The following XKR4 variants were observed in gnomAD, a reference collection of about 807,000 sequenced individuals.
The protein encoded by XKR4 is XK related 4.
In XKR4, 12 loss-of-function variants were observed where a neutral mutation model predicts 53.9. That is an observed-to-expected ratio of 0.22 (90% confidence interval 0.14 to 0.36). The LOEUF (loss-of-function observed/expected upper bound fraction) is 0.36. Among genes scored for constraint, XKR4 ranks in the 10% least tolerant of loss-of-function variants. The probability of loss-of-function intolerance (pLI) is 1.00; values close to 1 mark genes in which losing one functional copy is unlikely to be tolerated. For synonymous variants in XKR4, 354 were observed against 362.4 expected (o/e 0.98, Z 0.26); for missense variants, 799 against 859.5 (o/e 0.93, Z 0.88).
At chr8:55,306,630 A>G (rs937428127) in intron 1 of XKR4, among the ~76,000 whole-genome samples, 1 of 152,200 alleles carries the variant, frequency 6.6e-6, no homozygotes, top group African/African-American at 2.4e-5. Flanking sequence ...TTTACTCACT[A>G]TCATGAGAAC....
intron 2 of XKR4, among the ~76,000 whole-genome samples, chr8:55,436,365 G>A (rs896009122): frequency 4.6e-5 from 7 of 152,162 alleles, no homozygotes; most frequent in African/African-American, 1.7e-4. Context: ...GTCTGCAGAT[G>A]TGCTTTTAAG....
chr8:55,470,907 A>T (rs1805870064), intron 2 of XKR4, among the ~76,000 whole-genome samples: 1 of 152,138 alleles, frequency 6.6e-6, no homozygotes, highest in Non-Finnish European at 1.5e-5. Flanking sequence ...GGTCCACCTG[A>T]TTTCAAAGCT....
chr8:55,412,872 G>T (rs1804795585), intron 2 of XKR4, among the ~76,000 whole-genome samples: 1 of 152,182 alleles, frequency 6.6e-6, no homozygotes, highest in Non-Finnish European at 1.5e-5. Flanking sequence ...AGAATCATTT[G>T]TCCTTTAAGC....
rs141041656 is a variant in XKR4, at chr8:55,384,785, G to A, written c.1006+26908G>A. Among the ~76,000 whole-genome samples, 76 of 152,312 alleles carry A rather than the reference G, an allele frequency of 5.0e-4. 1 individual carries two copies. Among genetic ancestry groups the A allele is most frequent in the Admixed American group, 1.4e-3 (22 of 15,304 alleles). ...GAGCAAATCCAATGTGCCTCTAAAAGCATCCATCAGTCTCCAATGTGTGTT... is the reference window on the plus strand; with the variant it reads ...GAGCAAATCCAATGTGCCTCTAAAAACATCCATCAGTCTCCAATGTGTGTT... On this transcript the variant is annotated intron_variant, in intron 2 of 2. Coordinates refer to ENST00000327381, the MANE Select transcript of XKR4 (RefSeq NM_052898.2).
chr8:55,152,537 TATTA>T (rs1816852882), intron 1 of XKR4, among the ~76,000 whole-genome samples: 4 of 152,208 alleles, frequency 2.6e-5, no homozygotes, highest in African/African-American at 7.2e-5. Flanking sequence ...CATTCTAAAT[TATTA>T]ATTCTTATAA....
Position 55,346,387 on chromosome 8 carries a change from C to T in XKR4, c.807-11291C>T, listed in dbSNP as rs529365229. 1.0e-3 allele frequency among the ~76,000 whole-genome samples: 152 copies of T among 152,222 alleles called. 2 individuals carry two copies. Among genetic ancestry groups the T allele is most frequent in the African/African-American group, 3.3e-3 (138 of 41,560 alleles). On this transcript the variant is annotated intron_variant, in intron 1 of 2. Transcript: ENST00000327381. The stretch of plus-strand genomic sequence containing the variant: ...AGGCGTGAGCCACCACACTCAGCCC[C>T]GCTTCATTCTTTCTCCCTCAATTCA...
chr8:55,386,145 A>C (rs1804310551), intron 2 of XKR4, among the ~76,000 whole-genome samples: 1 of 152,194 alleles, frequency 6.6e-6, no homozygotes, highest in South Asian at 2.1e-4. Flanking sequence ...AATAATCACC[A>C]CCATGATCTG....
intron 1 of XKR4, among the ~76,000 whole-genome samples, chr8:55,106,673 ACT>A (rs1175067940): frequency 1.3e-5 from 2 of 152,006 alleles, no homozygotes; most frequent in East Asian, 1.9e-4. Context: ...TACTCTTAAA[ACT>A]CTACCTGAAT....
In XKR4 at chr8:55,344,847, C is replaced by A. The variant is rs142758985; in HGVS notation, c.807-12831C>A. Among the ~76,000 whole-genome samples the A allele has an allele frequency of 1.2e-3, 184 of 152,282 alleles. 1 individual carries two copies. Among genetic ancestry groups the A allele is most frequent in the African/African-American group, 4.3e-3 (180 of 41,550 alleles). On this transcript the variant is annotated intron_variant, in intron 1 of 2. Transcript: ENST00000327381. ...ACTTCTATTACTTCCTCCTCTAGGT[C>A]TAAGGAAATGCCTGAAGAGTAACTA...
At chr8:55,451,388 T>C (rs1226576564) in intron 2 of XKR4, 32 of 797,184 alleles carry the variant, frequency 4.0e-5, no homozygotes, top group Non-Finnish European at 5.9e-5. Flanking sequence ...GAGAAGCCGC[T>C]AAGTGTGTTG....
At chr8:55,468,818 T>C (rs904004824) in intron 2 of XKR4, among the ~76,000 whole-genome samples, 1 of 152,164 alleles carries the variant, frequency 6.6e-6, no homozygotes, top group Non-Finnish European at 1.5e-5. Flanking sequence ...GTTTTCTGCT[T>C]ATATTCTTTC....
At chr8:55,488,348 G>A (rs1806224570) in intron 2 of XKR4, among the ~76,000 whole-genome samples, 1 of 152,164 alleles carries the variant, frequency 6.6e-6, no homozygotes, top group Non-Finnish European at 1.5e-5. Context: ...ATTTACTCAA[G>A]TTAGTTAAAA....
At chr8:55,490,262 G>C (rs1806252618) in intron 2 of XKR4, among the ~76,000 whole-genome samples, 1 of 152,188 alleles carries the variant, frequency 6.6e-6, no homozygotes, top group Non-Finnish European at 1.5e-5. Flanking sequence ...ATAAAATGAT[G>C]TAAAATGATG....
At chr8:55,316,560 G>C (rs1352640560) in intron 1 of XKR4, among the ~76,000 whole-genome samples, 1 of 152,180 alleles carries the variant, frequency 6.6e-6, no homozygotes, top group African/African-American at 2.4e-5. Flanking sequence ...TTTTGGTTTA[G>C]AAAGATGGTT....
chr8:55,457,467 C>T (rs1805588038), intron 2 of XKR4, among the ~76,000 whole-genome samples: 1 of 152,102 alleles, frequency 6.6e-6, no homozygotes. Flanking sequence ...AACTGTCAAC[C>T]AAGAATTCTG....
At chr8:55,471,243 A>G (rs1008764174) in intron 2 of XKR4, among the ~76,000 whole-genome samples, 6 of 152,104 alleles carry the variant, frequency 3.9e-5, no homozygotes, top group African/African-American at 1.5e-4. Flanking sequence ...TAGACAGGAA[A>G]AGTAAAGAGT....
At chr8:55,314,998 G>C (rs1296540150) in intron 1 of XKR4, among the ~76,000 whole-genome samples, 1 of 152,168 alleles carries the variant, frequency 6.6e-6, no homozygotes, top group Non-Finnish European at 1.5e-5. Context: ...TGCATTTGCC[G>C]TTCCTAAACT....
intron 2 of XKR4, among the ~76,000 whole-genome samples, chr8:55,492,448 TG>T (rs1806285057): frequency 6.6e-6 from 1 of 152,276 alleles, no homozygotes; most frequent in South Asian, 2.1e-4. Flanking sequence ...TGAATTTTAC[TG>T]GGTTTAAAAG....
chr8:55,115,556 G>A (rs542800943), intron 1 of XKR4, among the ~76,000 whole-genome samples: 3 of 152,276 alleles, frequency 2.0e-5, no homozygotes, highest in African/African-American at 7.2e-5. Context: ...AGGACACGCT[G>A]GGCGGATCAT....
Sources: gnomAD v4.1 joint callset for allele counts (sites outside exome capture counted in the v4.1 genomes callset) on GRCh38, gnomAD v4.1.1 for gene constraint, MANE v1.5 for transcripts, NCBI Gene and HGNC (gene_info 2026-07-23, HGNC 2026-07-21) for gene names.